CADM2: variants seen among roughly 807,000 people sequenced by gnomAD.
The protein encoded by CADM2 is cell adhesion molecule 2, also known as immunoglobulin superfamily member 4D.
A neutral mutation model predicts 49.8 loss-of-function variants in CADM2; 12 were observed. The ratio of observed to expected loss-of-function variants is 0.24; its 90% CI spans 0.15 to 0.39. CADM2 has a LOEUF of 0.39. CADM2 is among the 10% of genes least tolerant of loss of function. The probability of loss-of-function intolerance (pLI) is 1.00; values close to 1 mark genes in which losing one functional copy is unlikely to be tolerated. For synonymous variants in CADM2, 214 were observed against 175.4 expected, an observed-to-expected ratio of 1.22 and a Z score of -1.74; for missense variants, 378 against 492.3, an observed-to-expected ratio of 0.77 and a Z score of 2.20.
In CADM2 at chr3:85,311,874, A is replaced by G. The variant is rs184797449; in HGVS notation, c.61+352206A>G. On this transcript the variant is annotated intron_variant, in intron 1 of 9. Coordinates refer to ENST00000383699, the MANE Select transcript of CADM2 (RefSeq NM_001167675.2). ...GACCTGATATCACAATAAATCCTCC[A>G]GCAGAAAACAGTCGTGGACATAAAA... Among the ~76,000 whole-genome samples the G allele has an allele frequency of 1.7e-3, 259 of 152,298 alleles. 1 individual carries two copies. Among genetic ancestry groups the G allele is most frequent in the African/African-American group, 6.0e-3 (249 of 41,574 alleles).
intron 1 of CADM2, among the ~76,000 whole-genome samples, chr3:85,540,096 T>A (rs62252519): frequency 0.51 from 77,883 of 151,916 alleles, 23,052 homozygotes; most frequent in East Asian, 0.85. Flanking sequence ...TTTTAATGGA[T>A]TTCTTACTTT....
At chr3:85,964,004 A>G (rs1408890636) in intron 8 of CADM2, among the ~76,000 whole-genome samples, 4 of 151,894 alleles carry the variant, frequency 2.6e-5, no homozygotes, top group African/African-American at 9.7e-5. Flanking sequence ...TGTGTTTAAA[A>G]GGGGCGCCAA....
intron 1 of CADM2, among the ~76,000 whole-genome samples, chr3:85,621,740 T>C (rs1308656769): frequency 6.6e-6 from 1 of 152,116 alleles, no homozygotes; most frequent in East Asian, 1.9e-4. Context: ...ACACACGGTT[T>C]TCAGATTTTG....
chr3:86,063,287 A>G (rs1405635495), intron 8 of CADM2, among the ~76,000 whole-genome samples: 1 of 152,338 alleles, frequency 6.6e-6, no homozygotes, highest in Non-Finnish European at 1.5e-5. Flanking sequence ...CACAATACAC[A>G]TGATAGAGGA....
chr3:84,981,125 C>G (rs1324831045), intron 1 of CADM2, among the ~76,000 whole-genome samples: 1 of 113,468 alleles, frequency 8.8e-6, no homozygotes, highest in African/African-American at 3.4e-5. Context: ...TATCCCTCCC[C>G]CCTCCCCCCA....
chr3:85,123,559 C>T (rs1240547997), intron 1 of CADM2, among the ~76,000 whole-genome samples: 1 of 151,942 alleles, frequency 6.6e-6, no homozygotes, highest in Non-Finnish European at 1.5e-5. Flanking sequence ...AGTATTTAGA[C>T]ATTTATTTAA....
intron 1 of CADM2, among the ~76,000 whole-genome samples, chr3:85,600,455 A>G (rs1016926968): frequency 2.6e-5 from 4 of 151,896 alleles, no homozygotes; most frequent in African/African-American, 9.7e-5. Context: ...ATTACACCTA[A>G]TGCTAAGATG....
At chr3:85,126,752 A>G (rs1052514190) in intron 1 of CADM2, among the ~76,000 whole-genome samples, 3 of 152,168 alleles carry the variant, frequency 2.0e-5, no homozygotes, top group African/African-American at 2.4e-5. Flanking sequence ...AAAAAAGTCA[A>G]TGAACACAAA....
At chr3:85,466,092 C>A (rs2038479132) in intron 1 of CADM2, among the ~76,000 whole-genome samples, 1 of 152,108 alleles carries the variant, frequency 6.6e-6, no homozygotes. Flanking sequence ...CTTGTCAGAT[C>A]CATGAAGTGA....
intron 2 of CADM2, among the ~76,000 whole-genome samples, chr3:85,779,549 A>G (rs889201691): frequency 6.6e-6 from 1 of 152,124 alleles, no homozygotes; most frequent in African/African-American, 2.4e-5. Flanking sequence ...GAGTGAAGAG[A>G]GGAATGCCCC....
At chr3:85,803,500 AATAGATAGATAG>A (rs3044105) in intron 3 of CADM2, among the ~76,000 whole-genome samples, 4 of 149,422 alleles carry the variant, frequency 2.7e-5, no homozygotes, top group Non-Finnish European at 4.4e-5. Context: ...TAGATAGATA[AATAGATAGATAG>A]ATAGATAGAT....
chr3:85,545,983 T>C (rs1463204), intron 1 of CADM2, among the ~76,000 whole-genome samples: 77,941 of 152,028 alleles, frequency 0.51, 23,069 homozygotes, highest in East Asian at 0.85. Flanking sequence ...TGCAAGAACA[T>C]ATGGGAAAGC....
chr3:85,946,233 G>A (rs961742471), intron 7 of CADM2, among the ~76,000 whole-genome samples: 7 of 151,600 alleles, frequency 4.6e-5, no homozygotes, highest in African/African-American at 1.7e-4. Flanking sequence ...GGATGTGAAG[G>A]ACCTCTTCAA....
At chr3:85,992,304 C>T (rs952467022) in intron 8 of CADM2, 2 of 151,828 alleles carry the variant, frequency 1.3e-5, no homozygotes. Flanking sequence ...CTTAATATGT[C>T]AATAATTGTA....
chr3:85,720,529 T>C (rs1258237612), intron 1 of CADM2, among the ~76,000 whole-genome samples: 1 of 152,224 alleles, frequency 6.6e-6, no homozygotes, highest in Non-Finnish European at 1.5e-5. Context: ...AAGTGTTTCT[T>C]TCTAAAACAT....
intron 1 of CADM2, among the ~76,000 whole-genome samples, chr3:85,537,037 C>T (rs12492670): frequency 0.082 from 12,416 of 151,912 alleles, 981 homozygotes; most frequent in African/African-American, 0.19. Flanking sequence ...ATTCTCATTT[C>T]TCATGAGAAG....
intron 1 of CADM2, among the ~76,000 whole-genome samples, chr3:85,259,233 T>C (rs2042958998): frequency 6.6e-6 from 1 of 152,146 alleles, no homozygotes; most frequent in South Asian, 2.1e-4. Context: ...ATGACAGTGA[T>C]GTAGGTGGAT....
At chr3:85,973,698 C>T (rs1020781006) in intron 8 of CADM2, among the ~76,000 whole-genome samples, 3 of 151,692 alleles carry the variant, frequency 2.0e-5, no homozygotes, top group Non-Finnish European at 4.4e-5. Context: ...TAACATCGCA[C>T]ATTTTTAATT....
intron 1 of CADM2, among the ~76,000 whole-genome samples, chr3:85,686,989 C>T (rs1242434095): frequency 2.0e-5 from 3 of 152,146 alleles, no homozygotes; most frequent in African/African-American, 7.2e-5. Flanking sequence ...CACATGTGTT[C>T]AGGACCTCTT....
Sources: gnomAD v4.1 joint callset for allele counts (sites outside exome capture counted in the v4.1 genomes callset) on GRCh38, gnomAD v4.1.1 for gene constraint, MANE v1.5 for transcripts, NCBI Gene and HGNC (gene_info 2026-07-23, HGNC 2026-07-21) for gene names.